The following GABPB1 variants were observed in gnomAD, a reference collection of about 807,000 sequenced individuals.
GABPB1 encodes the protein GA binding protein transcription factor subunit beta 1, also known as GA-binding protein subunit beta-1.
A neutral mutation model predicts 45.9 loss-of-function variants in GABPB1; 15 were observed. That is an observed-to-expected ratio of 0.33 (90% CI 0.22 to 0.50). The LOEUF is 0.50. Among genes scored for constraint, GABPB1 ranks in the 20% least tolerant of loss-of-function variants. The pLI is 0.98. For missense variants in GABPB1, 252 were observed against 457.5 expected (o/e 0.55, Z 4.10); for synonymous variants, 143 against 154.4 (o/e 0.93, Z 0.55).
At chr15:50,319,973 C>T (rs902588744) in intron 1 of GABPB1, among the ~76,000 whole-genome samples, 1 of 152,192 alleles carries the variant, frequency 6.6e-6, no homozygotes, top group African/African-American at 2.4e-5. Context: ...GTTTAGTGTG[C>T]ATCCTTCCAG....
At chr15:50,354,789 G>A (rs901137101) in intron 1 of GABPB1, 196 bp downstream of exon 1, 6 of 233,668 alleles carry the variant, frequency 2.6e-5, no homozygotes, top group African/African-American at 4.8e-5. Flanking sequence ...GCGGCGGCGC[G>A]GGCGCCCAGG....
chr15:50,286,302 T>G (rs1325890571), intron 7 of GABPB1, 119 bp from the exon 8 acceptor site: 2 of 662,360 alleles, frequency 3.0e-6, no homozygotes. Context: ...AAACAATAAT[T>G]CCAAATCATT....
intron 2 of GABPB1, among the ~76,000 whole-genome samples, chr15:50,304,817 C>A (rs766928353): frequency 6.6e-6 from 1 of 151,960 alleles, no homozygotes; most frequent in Non-Finnish European, 1.5e-5. Flanking sequence ...AAGTTAACTT[C>A]GTCTGTAAAA....
intron 7 of GABPB1, among the ~76,000 whole-genome samples, chr15:50,287,321 C>T (rs2046198269): frequency 1.3e-5 from 2 of 152,030 alleles, no homozygotes; most frequent in Non-Finnish European, 2.9e-5. Flanking sequence ...AGCCATTTGG[C>T]TAATTACAGA....
chr15:50,289,797 G>C (rs1048680427), intron 6 of GABPB1, 129 bp from the exon 7 acceptor site: 1 of 643,262 alleles, frequency 1.6e-6, no homozygotes, highest in Non-Finnish European at 2.6e-6. Flanking sequence ...AATAGAGATA[G>C]GGTCTCACTC....
chr15:50,345,710 A>ATTTTTTTTTTT (rs10708823), intron 1 of GABPB1, among the ~76,000 whole-genome samples: 1 of 150,696 alleles, frequency 6.6e-6, no homozygotes. Context: ...ATGTCTGTAC[A>ATTTTTTTTTTT]TTTTTTTTTG....
At chr15:50,328,634 T>A (rs1280918364) in intron 1 of GABPB1, among the ~76,000 whole-genome samples, 1 of 152,228 alleles carries the variant, frequency 6.6e-6, no homozygotes, top group African/African-American at 2.4e-5. Context: ...AGTCTAATCC[T>A]TCCAATGTAA....
At chr15:50,338,698 T>C (rs2048233347) in intron 1 of GABPB1, among the ~76,000 whole-genome samples, 1 of 151,672 alleles carries the variant, frequency 6.6e-6, no homozygotes, top group African/African-American at 2.4e-5. Flanking sequence ...GGTCTTGAAC[T>C]CCTGGACTTA....
At position 50,297,904 on chromosome 15, in the gene GABPB1, C is replaced by T. The variant is rs374650279; in HGVS notation, c.697+2885G>A. 2.0e-4 allele frequency among the ~76,000 whole-genome samples: 31 copies of T among 152,200 alleles called. No homozygotes were observed. The East Asian group carries it at 2.3e-3, about 11-fold the overall frequency. On this transcript the variant is annotated intron_variant, in intron 6 of 8. Coordinates refer to ENST00000380877, the MANE Select transcript of GABPB1 (RefSeq NM_016654.5). ...ATTGTGCTCATAGAAGATTTTAAGT[C>T]ACATGCAATAAAAACTAACTGAAAT...
chr15:50,353,200 G>C (rs1247556936), intron 1 of GABPB1: 1 of 152,066 alleles, frequency 6.6e-6, no homozygotes, highest in Non-Finnish European at 1.5e-5. Context: ...CGAGATCATA[G>C]GCAGATTATG....
At chr15:50,306,582 A>C (rs2046956236) in intron 2 of GABPB1, among the ~76,000 whole-genome samples, 1 of 150,650 alleles carries the variant, frequency 6.6e-6, no homozygotes, top group Admixed American at 6.7e-5. Context: ...AGCCAAGATC[A>C]TGCCACTGCA....
At chr15:50,348,456 G>T (rs2048689177) in intron 1 of GABPB1, among the ~76,000 whole-genome samples, 1 of 151,070 alleles carries the variant, frequency 6.6e-6, no homozygotes, top group African/African-American at 2.4e-5. Context: ...TCACCATGTT[G>T]GCCAGGCTGG....
chr15:50,316,615 C>CGA (rs1555511703), intron 1 of GABPB1, among the ~76,000 whole-genome samples: 1 of 151,710 alleles, frequency 6.6e-6, no homozygotes, highest in Non-Finnish European at 1.5e-5. Flanking sequence ...TACACACACC[C>CGA]AGTCTTTAAA....
chr15:50,291,013 G>C (rs1027847396), intron 6 of GABPB1, among the ~76,000 whole-genome samples: 2 of 152,138 alleles, frequency 1.3e-5, no homozygotes, highest in Non-Finnish European at 2.9e-5. Context: ...AAACAACGCA[G>C]ATATTCTTTG....
At chr15:50,321,810 CCTT>C (rs1372003452) in intron 1 of GABPB1, among the ~76,000 whole-genome samples, 1 of 152,020 alleles carries the variant, frequency 6.6e-6, no homozygotes, top group Non-Finnish European at 1.5e-5. Context: ...ATAATGTTTG[CCTT>C]TTTTAAATGT....
At chr15:50,318,924 T>C (rs377384541) in intron 1 of GABPB1, among the ~76,000 whole-genome samples, 2 of 152,364 alleles carry the variant, frequency 1.3e-5, no homozygotes, top group East Asian at 1.9e-4. Context: ...CTTTGTGGTA[T>C]AGGCGTGGAT....
At chr15:50,281,087 G>A (rs1465897960) in intron 8 of GABPB1, among the ~76,000 whole-genome samples, 3 of 152,248 alleles carry the variant, frequency 2.0e-5, no homozygotes, top group African/African-American at 7.2e-5. Context: ...TGCCTACCAG[G>A]TGAAATAAAA....
chr15:50,342,226 A>G (rs1229970616), intron 1 of GABPB1, among the ~76,000 whole-genome samples: 2 of 152,164 alleles, frequency 1.3e-5, no homozygotes, highest in East Asian at 3.8e-4. Flanking sequence ...TGGCCTTAAC[A>G]CACTTCCATT....
chr15:50,325,149 T>TG, intron 1 of GABPB1, among the ~76,000 whole-genome samples: 1 of 152,156 alleles, frequency 6.6e-6, no homozygotes, highest in South Asian at 2.1e-4. Flanking sequence ...TGAAATGTGC[T>TG]TTGAGAGTGT....
Sources: allele counts gnomAD v4.1 joint callset (sites outside exome capture counted in the v4.1 genomes callset), GRCh38; gene constraint gnomAD v4.1.1; transcripts MANE v1.5; gene names NCBI Gene and HGNC (gene_info 2026-07-23, HGNC 2026-07-21).